LSR: variants seen among roughly 807,000 people sequenced by gnomAD.
LSR encodes lipolysis-stimulated lipoprotein receptor.
Under a neutral mutation model 61.8 loss-of-function variants are expected in LSR, and 44 were observed. That is an observed-to-expected ratio of 0.71 (90% confidence interval 0.56 to 0.91). LSR has a LOEUF of 0.91. Among genes scored for constraint, LSR ranks in the 40% least tolerant of loss-of-function variants. The pLI is 0.00. For synonymous variants in LSR, 397 were observed against 350.6 expected, an observed-to-expected ratio of 1.13 and a Z score of -1.48; for missense variants, 911 against 830.5, an observed-to-expected ratio of 1.10 and a Z score of -1.19.
chr19:35,260,822 C>G (rs957056788), intron 3 of LSR, among the ~76,000 whole-genome samples: 1 of 151,508 alleles, frequency 6.6e-6, no homozygotes, highest in Admixed American at 6.6e-5. Context: ...GACCCTGGCT[C>G]AAGAAACACA....
chr19:35,258,833 C>A, intron 2 of LSR, 112 bp from the exon 3 acceptor site: 1 of 1,364,850 alleles, frequency 7.3e-7, no homozygotes, highest in Non-Finnish European at 1.0e-6. Context: ...CTGCAGCCTG[C>A]CCAGCCCACT....
chr19:35,257,316 G>T (rs2065868076), intron 2 of LSR, among the ~76,000 whole-genome samples: 1 of 152,154 alleles, frequency 6.6e-6, no homozygotes, highest in African/African-American at 2.4e-5. Context: ...CGTGGGAGAA[G>T]CCCAGCCCAC....
chr19:35,257,993 C>T (rs1365292492), intron 2 of LSR, among the ~76,000 whole-genome samples: 1 of 152,144 alleles, frequency 6.6e-6, no homozygotes, highest in African/African-American at 2.4e-5. Flanking sequence ...CACACCCACT[C>T]CTTATGGGTG....
chr19:35,267,047 C>G (rs1021906381), intron 8 of LSR, 62 bp from the exon 9 acceptor site: 7 of 1,550,434 alleles, frequency 4.5e-6, no homozygotes, highest in Non-Finnish European at 4.3e-6. Flanking sequence ...CGCAGGGACT[C>G]TTGGTGCAAA....
chr19:35,258,973 G>A lies in LSR; in HGVS notation c.483G>A (p.Ala161=), dbSNP rs929643978. ...GNADLTFDQT[A]WGDSGVYYCS... Reference sequence around the variant, plus strand: ...CTGACCTGACCTTTGACCAGACGGCGTGGGGGGACAGTGGTGTGTATTACT... The same window carrying A: ...CTGACCTGACCTTTGACCAGACGGCATGGGGGGACAGTGGTGTGTATTACT... Residue 161 remains alanine (A), a synonymous_variant, in exon 3 of 10, where the codon GCG becomes GCA. Transcript: ENST00000605618. 19 of 1,613,922 alleles carry A rather than the reference G, an allele frequency of 1.2e-5. No individual in the cohort carries two copies. The highest frequency in any genetic ancestry group is 3.3e-5 in the South Asian group (3 of 91,090).
At chr19:35,265,236 A>C (rs1213377529) in intron 5 of LSR, among the ~76,000 whole-genome samples, 1 of 152,174 alleles carries the variant, frequency 6.6e-6, no homozygotes, top group Non-Finnish European at 1.5e-5. Flanking sequence ...CCAAGTTTGC[A>C]GTGAACCCAC....
chr19:35,252,271 G>A (rs2065803755), intron 2 of LSR, among the ~76,000 whole-genome samples: 1 of 152,156 alleles, frequency 6.6e-6, no homozygotes, highest in South Asian at 2.1e-4. Flanking sequence ...GAGGTGATTG[G>A]GATGGCTGAA....
At chr19:35,257,330 G>C (rs1014249282) in intron 2 of LSR, among the ~76,000 whole-genome samples, 2 of 152,136 alleles carry the variant, frequency 1.3e-5, no homozygotes, top group Admixed American at 1.3e-4. Context: ...AGCCCACAGG[G>C]GGACAGTGCA....
chr19:35,255,891 C>CA (rs1345470463), intron 2 of LSR, among the ~76,000 whole-genome samples: 1 of 152,116 alleles, frequency 6.6e-6, no homozygotes, highest in Non-Finnish European at 1.5e-5. Flanking sequence ...ATTTATAACT[C>CA]AAAGGTTCCG....
rs950643724 is a variant in LSR, at chr19:35,260,529, G to A, written c.575-1396G>A. Reference sequence around the variant, plus strand: ...AGGATGGTCTCGATCTCCTGACCTCGTGATCCACCCACCTGGGCCTCCCAA... The same window carrying A: ...AGGATGGTCTCGATCTCCTGACCTCATGATCCACCCACCTGGGCCTCCCAA... On this transcript the variant is annotated intron_variant, in intron 3 of 9. Transcript: ENST00000605618. Among the ~76,000 whole-genome samples, 10 of 151,880 alleles carry A rather than the reference G, an allele frequency of 6.6e-5. No individual in the cohort carries two copies. The East Asian group carries it at 1.2e-3, about 18-fold the overall frequency.
chr19:35,250,250 G>T (rs2065773172), intron 1 of LSR, 65 bp from the exon 2 acceptor site: 2 of 1,058,696 alleles, frequency 1.9e-6, no homozygotes, highest in Non-Finnish European at 2.7e-6. Flanking sequence ...GTGACAGGTG[G>T]CGTTCCTGTT....
intron 4 of LSR, 65 bp from the exon 5 acceptor site, chr19:35,262,481 C>G (rs1310673549): frequency 1.3e-6 from 2 of 1,580,436 alleles, no homozygotes; most frequent in Non-Finnish European, 1.7e-6. Context: ...CCATGTACCC[C>G]TGCTGTGCCG....
At chr19:35,262,804 T>C in intron 5 of LSR, 112 bp downstream of exon 5, 9 of 1,362,202 alleles carry the variant, frequency 6.6e-6, no homozygotes, top group Non-Finnish European at 8.9e-6. Context: ...AGGGTGTGAA[T>C]TTAGCCAGTG....
intron 2 of LSR, among the ~76,000 whole-genome samples, chr19:35,254,938 A>G (rs1568441881): frequency 6.6e-6 from 1 of 152,132 alleles, no homozygotes. Flanking sequence ...CCAGATTTCA[A>G]CCCCTGGCCT....
chr19:35,249,205 C>A, intron 1 of LSR, 74 bp downstream of exon 1: 1 of 1,470,890 alleles, frequency 6.8e-7, no homozygotes, highest in African/African-American at 1.5e-5. Flanking sequence ...GAGTTGGAGG[C>A]GGCGGGAAGC....
chr19:35,260,742 G>A lies in LSR; in HGVS notation c.575-1183G>A, dbSNP rs934862656. On this transcript the variant is annotated intron_variant, in intron 3 of 9. Transcript: ENST00000605618. The stretch of plus-strand genomic sequence containing the variant: ...CTTGGGAGGCTGAGGCAGGAGTATC[G>A]CTTGCACCCAGGAGGTCAAGGCTGC... Among the ~76,000 whole-genome samples, 5 of 152,032 alleles carry A rather than the reference G, an allele frequency of 3.3e-5. No homozygotes were observed. The East Asian group carries it at 5.8e-4, about 18-fold the overall frequency.
At chr19:35,263,556 C>A (rs1378366907) in intron 5 of LSR, among the ~76,000 whole-genome samples, 1 of 151,914 alleles carries the variant, frequency 6.6e-6, no homozygotes, top group African/African-American at 2.4e-5. Context: ...GAGACGGGGT[C>A]TCAGTATGTT....
At chr19:35,249,584 G>A (rs1475180703) in intron 1 of LSR, among the ~76,000 whole-genome samples, 4 of 152,074 alleles carry the variant, frequency 2.6e-5, no homozygotes, top group African/African-American at 4.8e-5. Flanking sequence ...GGTGGGTGTG[G>A]GACTGGGGAC....
At chr19:35,262,373 T>A (rs552323973) in intron 4 of LSR, among the ~76,000 whole-genome samples, 173 bp from the exon 5 acceptor site, 33 of 151,814 alleles carry the variant, frequency 2.2e-4, no homozygotes, top group Non-Finnish European at 4.3e-4. Flanking sequence ...GAATGGGGAG[T>A]GTGCTGTGCC....
Sources: allele counts gnomAD v4.1 joint callset (sites outside exome capture counted in the v4.1 genomes callset), GRCh38; gene constraint gnomAD v4.1.1; transcripts MANE v1.5; gene names NCBI Gene and HGNC (gene_info 2026-07-23, HGNC 2026-07-21).